VTCN1: variants seen among roughly 807,000 people sequenced by gnomAD.
VTCN1 encodes the protein V-set domain-containing T-cell activation inhibitor 1.
In VTCN1, 26 loss-of-function variants were observed where a neutral mutation model predicts 26.5. The observed-to-expected ratio is 0.98, with a 90% CI of 0.72 to 1.36. The LOEUF (loss-of-function observed/expected upper bound fraction) is 1.36, where lower values mean the gene tolerates loss of function less well. Ranked by LOEUF, VTCN1 falls within the 40% of genes most tolerant of loss-of-function variation. The pLI is 0.00. For missense variants in VTCN1, 298 were observed against 337.7 expected, an observed-to-expected ratio of 0.88 and a Z score of 0.92; for synonymous variants, 116 against 130.7, an observed-to-expected ratio of 0.89 and a Z score of 0.77.
chr1:117,163,895 A>G (rs1652487972), intron 2 of VTCN1, among the ~76,000 whole-genome samples: 1 of 152,180 alleles, frequency 6.6e-6, no homozygotes, highest in Non-Finnish European at 1.5e-5. Flanking sequence ...GACAGATCAA[A>G]TATTTTCTAA....
At chr1:117,188,930 A>T (rs1026831408) in intron 1 of VTCN1, among the ~76,000 whole-genome samples, 1 of 152,248 alleles carries the variant, frequency 6.6e-6, no homozygotes, top group Non-Finnish European at 1.5e-5. Flanking sequence ...ATATATAAGT[A>T]AAAAATAGTT....
rs765701990 is a variant in VTCN1, at chr1:117,156,890, G to A, written c.129C>T (p.Ala43=). 1.5e-5 allele frequency: 25 copies of A among 1,614,034 alleles called. No homozygotes were observed. Among genetic ancestry groups the A allele is most frequent in the Non-Finnish European group, 2.0e-5 (24 of 1,180,000 alleles). ...CATCCTCCCCAATGTTCCCAGCTGAGGCGACAGTAGTGACTGTGATGGAGT... is the reference window on the plus strand; with the variant it reads ...CATCCTCCCCAATGTTCCCAGCTGAAGCGACAGTAGTGACTGTGATGGAGT... ...GRHSITVTTV[A]SAGNIGEDGI... Residue 43 remains alanine (A), a synonymous_variant, in exon 3 of 6, where the codon GCC becomes GCT. Transcript: ENST00000369458.
intron 1 of VTCN1, among the ~76,000 whole-genome samples, chr1:117,173,958 G>A (rs1308272605): frequency 1.3e-5 from 2 of 152,196 alleles, no homozygotes; most frequent in African/African-American, 2.4e-5. Flanking sequence ...AGGAATCACC[G>A]TGAGGTTTGT....
In VTCN1 at chr1:117,183,234, C is replaced by T. The variant is rs907568483; in HGVS notation, c.33-13063G>A. 6.6e-6 allele frequency among the ~76,000 whole-genome samples: 1 copy of T among 152,190 alleles called. No homozygotes were observed. Among genetic ancestry groups the T allele is most frequent in the East Asian group, 1.9e-4 (1 of 5,192 alleles). On this transcript the variant is annotated intron_variant, in intron 1 of 5. Coordinates refer to ENST00000369458, the MANE Select transcript of VTCN1 (RefSeq NM_024626.4). This position sits in a 1 kb window ranked among gnomAD's most constrained non-coding sequence, Gnocchi z 4.1. ...AGGCTGCTTCTTGCCTCCATGCCTT[C>T]GTTCCTATTATTTTTCAAGTTCTTG...
chr1:117,145,788 C>T lies in VTCN1; in HGVS notation c.*46-563G>A, dbSNP rs868846624. The stretch of plus-strand genomic sequence containing the variant: ...AGCTGGGACCACAGGTGGACCTCCA[C>T]ACCTGGCTAATTTTTAAATTTTTTT... On this transcript the variant is annotated intron_variant, in intron 5 of 5. Transcript: ENST00000369458. The surrounding 1 kb of genome is among the most constrained non-coding windows in gnomAD (Gnocchi z 4.6). Among the ~76,000 whole-genome samples, 1 of 152,136 alleles carries T rather than the reference C, an allele frequency of 6.6e-6. No homozygotes were observed. Among genetic ancestry groups the T allele is most frequent in the African/African-American group, 2.4e-5 (1 of 41,426 alleles).
rs1483286003 is a variant in VTCN1, at chr1:117,183,892, CAT to C, written c.33-13723_33-13722del. On this transcript the variant is annotated intron_variant, in intron 1 of 5. Transcript: ENST00000369458. This position sits in a 1 kb window ranked among gnomAD's most constrained non-coding sequence, Gnocchi z 4.1. ...GCAGAGGCTAAAAATGAAACCAGCA[CAT>C]GAGTCCAGATCAGTAAGAGAGTGCT... Among the ~76,000 whole-genome samples, 2 of 152,144 alleles carry C rather than the reference CAT, an allele frequency of 1.3e-5. No homozygotes were observed. The highest frequency in any genetic ancestry group is 2.9e-5 in the Non-Finnish European group (2 of 68,032).
At position 117,179,303 on chromosome 1, in the gene VTCN1, A is replaced by G. The variant is rs142053493; in HGVS notation, c.33-9132T>C. Among the ~76,000 whole-genome samples the G allele has an allele frequency of 2.9e-3, 443 of 152,320 alleles. 1 individual carries two copies. Among genetic ancestry groups the G allele is most frequent in the Non-Finnish European group, 3.9e-3 (265 of 68,028 alleles). On this transcript the variant is annotated intron_variant, in intron 1 of 5. Coordinates refer to ENST00000369458, the MANE Select transcript of VTCN1 (RefSeq NM_024626.4). ...TTCCAGACGTGTCACCCCAGCTGAG[A>G]ACCACTGATTTAGAAGAAGGGAAAT...
intron 1 of VTCN1, among the ~76,000 whole-genome samples, chr1:117,199,546 G>A (rs578085648): frequency 3.0e-4 from 45 of 151,534 alleles, no homozygotes; most frequent in Non-Finnish European, 5.2e-4. Flanking sequence ...GACTGGTCTC[G>A]AACTCCTGAC....
At chr1:117,184,787 C>A (rs1275822044) in intron 1 of VTCN1, among the ~76,000 whole-genome samples, 3 of 152,094 alleles carry the variant, frequency 2.0e-5, no homozygotes, top group African/African-American at 7.2e-5. Flanking sequence ...ACAGCAAGAG[C>A]CAGGGTGACT....
chr1:117,179,941 T>C (rs989851532), intron 1 of VTCN1, among the ~76,000 whole-genome samples: 3 of 152,200 alleles, frequency 2.0e-5, no homozygotes, highest in Non-Finnish European at 1.5e-5. Context: ...GAGAGCAGGA[T>C]TAGACTCAGG....
chr1:117,201,868 T>C (rs1386442447), intron 1 of VTCN1, among the ~76,000 whole-genome samples: 1 of 152,192 alleles, frequency 6.6e-6, no homozygotes, highest in Non-Finnish European at 1.5e-5. Flanking sequence ...CTTTAACAAA[T>C]GGAAGAAAGA....
intron 1 of VTCN1, chr1:117,203,771 G>A (rs113211135): frequency 8.1e-6 from 8 of 985,420 alleles, no homozygotes; most frequent in African/African-American, 7.0e-5. Flanking sequence ...GGAGGAATCA[G>A]GGAGCACAGA....
intron 1 of VTCN1, among the ~76,000 whole-genome samples, chr1:117,209,901 G>T (rs1444616535): frequency 6.6e-6 from 1 of 152,210 alleles, no homozygotes; most frequent in Non-Finnish European, 1.5e-5. Flanking sequence ...ACTTTTCACT[G>T]TTGACCTGAG....
intron 1 of VTCN1, among the ~76,000 whole-genome samples, chr1:117,190,333 G>A (rs1021157761): frequency 6.6e-6 from 1 of 152,216 alleles, no homozygotes; most frequent in African/African-American, 2.4e-5. Flanking sequence ...GAACCTGGCA[G>A]GAGCCATGCC....
intron 4 of VTCN1, among the ~76,000 whole-genome samples, chr1:117,148,343 T>C (rs1439888332): frequency 6.6e-6 from 1 of 152,208 alleles, no homozygotes; most frequent in East Asian, 1.9e-4. Flanking sequence ...ATGTATGTGC[T>C]CCAGTTTCTT....
At position 117,147,606 on chromosome 1, in the gene VTCN1, A is replaced by G; in HGVS notation, c.*45+7T>C. On this transcript the variant is annotated splice_region_variant and intron_variant, in intron 5 of 5. Coordinates refer to ENST00000369458, the MANE Select transcript of VTCN1 (RefSeq NM_024626.4). The surrounding 1 kb of genome is among the most constrained non-coding windows in gnomAD (Gnocchi z 4.6). Reference sequence around the variant, plus strand: ...CAATATCCCACACTATTTGTGATTAATCTCACCTGTTGTAACAATGACTTT... The same window carrying G: ...CAATATCCCACACTATTTGTGATTAGTCTCACCTGTTGTAACAATGACTTT... 6.2e-7 allele frequency: 1 copy of G among 1,603,702 alleles called. No individual in the cohort carries two copies.
intron 1 of VTCN1, among the ~76,000 whole-genome samples, chr1:117,193,633 C>T (rs1648359281): frequency 6.6e-6 from 1 of 152,098 alleles, no homozygotes. Context: ...GGAGAAAAGA[C>T]AGCAAAACCA....
intron 1 of VTCN1, among the ~76,000 whole-genome samples, chr1:117,193,139 C>G (rs1183316333): frequency 6.6e-6 from 1 of 151,976 alleles, no homozygotes; most frequent in African/African-American, 2.4e-5. Context: ...AAATACTACA[C>G]CATTTTATAT....
At chr1:117,150,874 T>C (rs911411314) in intron 4 of VTCN1, among the ~76,000 whole-genome samples, 3 of 152,374 alleles carry the variant, frequency 2.0e-5, no homozygotes, top group East Asian at 1.9e-4. Flanking sequence ...ATAGTATTTG[T>C]CTTTTTGTGA....
Sources: gnomAD v4.1 joint callset for allele counts (sites outside exome capture counted in the v4.1 genomes callset) on GRCh38, gnomAD v4.1.1 for gene constraint, Gnocchi (gnomAD v3.1) non-coding constraint, MANE v1.5 for transcripts, NCBI Gene and HGNC (gene_info 2026-07-23, HGNC 2026-07-21) for gene names.